Variants in PTPRS observed in about 807,000 individuals in gnomAD.
PTPRS encodes the protein protein tyrosine phosphatase receptor type S, also known as receptor-type tyrosine-protein phosphatase S.
Under a neutral mutation model 215.3 loss-of-function variants are expected in PTPRS, and 63 were observed. The observed-to-expected ratio is 0.29, with a 90% confidence interval of 0.24 to 0.36. The LOEUF is 0.36. Ranked by LOEUF, PTPRS falls within the 10% of genes least tolerant of loss-of-function variation. The pLI is 1.00. For synonymous variants in PTPRS, 1,404 were observed against 1,191.4 expected (o/e 1.18, Z -3.68); for missense variants, 2,258 against 2,825.8 (o/e 0.80, Z 4.56).
chr19:5,214,844 C>G, intron 28 of PTPRS, 108 bp from the exon 29 acceptor site: 1 of 1,147,602 alleles, frequency 8.7e-7, no homozygotes, highest in Non-Finnish European at 1.2e-6. Flanking sequence ...CCAGATTGTC[C>G]CCAAGGTGAC....
chr19:5,266,320 T>C (rs1459555410), intron 4 of PTPRS, among the ~76,000 whole-genome samples: 1 of 152,080 alleles, frequency 6.6e-6, no homozygotes, highest in Non-Finnish European at 1.5e-5. Flanking sequence ...GGTCTCACCA[T>C]GTTGCCCAGA....
rs749891067 is a variant in PTPRS at position 5,218,408 on chromosome 19, A to G, written c.4048+12T>C. ...GTTGGTGGCATCCCTGGTACCAGGG[A>G]TAAGTACATACCTGGAGTCTGGAAG... On this transcript the variant is annotated intron_variant, in intron 25 of 37. Transcript: ENST00000262963. The G allele has an allele frequency of 6.8e-6, 11 of 1,609,636 alleles. No individual in the cohort carries two copies. The highest frequency in any genetic ancestry group is 3.4e-5 in the Admixed American group (2 of 59,350).
rs1480260816 is a variant in PTPRS, at chr19:5,215,516, C to T, written c.4176G>A (p.Lys1392=). 3.1e-6 allele frequency: 5 copies of T among 1,611,926 alleles called. No homozygotes were observed. The highest frequency in any genetic ancestry group is 4.2e-6 in the Non-Finnish European group (5 of 1,178,518). The stretch of plus-strand genomic sequence containing the variant: ...GGCTCACCTCATACTCCTGGGAGAG[C>T]TTGAGGCTGTCGTTGGCCTTGAGCC... ...TERLKANDSL[K]LSQEYESIDP... The change falls in exon 27 of 38, where the codon AAG becomes AAA. Residue 1392 remains lysine, a synonymous_variant. Transcript: ENST00000262963.
intron 7 of PTPRS, among the ~76,000 whole-genome samples, chr19:5,258,789 T>C (rs1340779024): frequency 6.6e-6 from 1 of 152,226 alleles, no homozygotes; most frequent in Non-Finnish European, 1.5e-5. Flanking sequence ...GTGTATCAAG[T>C]ATGTTTGAGA....
At position 5,216,724 on chromosome 19, in the gene PTPRS, A is replaced by C; in HGVS notation, c.4092T>G (p.Phe1364Leu). 1.9e-6 allele frequency: 3 copies of C among 1,570,696 alleles called. No individual in the cohort carries two copies. The highest frequency in any genetic ancestry group is 1.2e-5 in the South Asian group (1 of 85,490). Residue 1364 changes from phenylalanine to leucine, a missense_variant, in exon 26 of 38, where the codon TTT becomes TTG. Phe to Leu is a conservative substitution (Grantham distance 22, BLOSUM62 0). This residue lies in a region of PTPRS where 927 missense variants were observed against 1,125.9 expected (regional missense o/e 0.82). Coordinates refer to ENST00000262963, the MANE Select transcript of PTPRS (RefSeq NM_002850.4). ...RSPLREPGFH[F>L]ESMLSHPPIP... ...AAAACAGACACAAGAACTAACTTTC[A>C]AAGTGAAACCCCGGCTCCCTGAGGG...
In PTPRS at chr19:5,333,454, G is replaced by A. The variant is rs553762200; in HGVS notation, c.-95+7210C>T. Among the ~76,000 whole-genome samples the A allele has an allele frequency of 7.9e-5, 12 of 152,074 alleles. No homozygotes were observed. In the East Asian group the frequency reaches 2.1e-3, roughly 27 times the overall value. On this transcript the variant is annotated intron_variant, in intron 1 of 37. Transcript: ENST00000262963. ...CCCAGGAGTTAAGACACTGCAGTGA[G>A]CCATTATGGCATCACTGCACTCCAG... is the stretch of plus-strand genomic sequence containing the variant.
In PTPRS at chr19:5,276,533, GTTT is replaced by G. The variant is rs4011135; in HGVS notation, c.92-2192_92-2190del. Among the ~76,000 whole-genome samples the G allele has an allele frequency of 8.0e-5, 12 of 150,524 alleles. 1 individual carries two copies. The highest frequency in any genetic ancestry group is 2.4e-4 in the African/African-American group (10 of 40,980). ...CCACTGCGCCTGGCCTGGAGTACGTGTTTTTTTTTTGTTTTTGTTTTTTTTGAG... is the reference window on the plus strand; with the variant it reads ...CCACTGCGCCTGGCCTGGAGTACGTGTTTTTTTGTTTTTGTTTTTTTTGAG... On this transcript the variant is annotated intron_variant, in intron 2 of 37. Transcript: ENST00000262963.
At chr19:5,306,697 G>A (rs2049506005) in intron 1 of PTPRS, among the ~76,000 whole-genome samples, 1 of 152,094 alleles carries the variant, frequency 6.6e-6, no homozygotes, top group Non-Finnish European at 1.5e-5. Flanking sequence ...GTCCCCTTGG[G>A]GAAGCATTTT....
chr19:5,312,598 C>T (rs1184520142), intron 1 of PTPRS, among the ~76,000 whole-genome samples: 1 of 152,098 alleles, frequency 6.6e-6, no homozygotes, highest in African/African-American at 2.4e-5. Flanking sequence ...GAGATGGAGG[C>T]GGCAGTGAGC....
intron 1 of PTPRS, among the ~76,000 whole-genome samples, chr19:5,324,918 G>A (rs2050130395): frequency 6.6e-6 from 1 of 152,032 alleles, no homozygotes; most frequent in South Asian, 2.1e-4. Context: ...ACATCCCCAG[G>A]AGAGCCACAT....
Position 5,257,445 on chromosome 19 carries a change from G to A in PTPRS, c.706+572C>T, listed in dbSNP as rs778351304. 1 of 458,774 alleles carries A rather than the reference G, an allele frequency of 2.2e-6. No individual in the cohort carries two copies. 28.4% of individuals were successfully genotyped at this position (458,774 alleles called of 1,614,324 possible). ...ACTGCCCTTCTCGGAGAGTCATTAG[G>A]AAGAGGCAGAAGGCGCCGGGCTCCG... On this transcript the variant is annotated intron_variant, in intron 8 of 37. Transcript: ENST00000262963. The surrounding 1 kb of genome is among the most constrained non-coding windows in gnomAD (Gnocchi z 4.4).
intron 17 of PTPRS, among the ~76,000 whole-genome samples, chr19:5,224,656 G>A (rs1043370987): frequency 2.0e-5 from 3 of 152,198 alleles, no homozygotes; most frequent in African/African-American, 4.8e-5. Context: ...GGAGAGCAGC[G>A]TATGCAGTGG....
intron 28 of PTPRS, among the ~76,000 whole-genome samples, 192 bp downstream of exon 28, chr19:5,215,097 G>T (rs2041298764): frequency 6.6e-6 from 1 of 152,226 alleles, no homozygotes; most frequent in African/African-American, 2.4e-5. Flanking sequence ...GATGCAGAAG[G>T]ACAGATGAAG....
At chr19:5,239,402 CAG>C (rs1287950086) in intron 12 of PTPRS, among the ~76,000 whole-genome samples, 1 of 146,344 alleles carries the variant, frequency 6.8e-6, no homozygotes, top group Non-Finnish European at 1.5e-5. Context: ...GACACAGTGA[CAG>C]AGATAGAGAC....
chr19:5,219,542 G>GAACCTACGTTT, intron 22 of PTPRS, 75 bp from the exon 23 acceptor site: 1 of 1,472,116 alleles, frequency 6.8e-7, no homozygotes, highest in Non-Finnish European at 9.0e-7. Context: ...TCTCAAACAT[G>GAACCTACGTTT]AACCTACGTT....
chr19:5,333,970 A>G (rs1400353285), intron 1 of PTPRS, among the ~76,000 whole-genome samples: 1 of 125,812 alleles, frequency 7.9e-6, no homozygotes, highest in Non-Finnish European at 1.7e-5. Context: ...ATCCCCCCCA[A>G]ACTCCCCCCT....
chr19:5,237,549 A>C lies in PTPRS; in HGVS notation c.1849+1370T>G, dbSNP rs547425861. 4.5e-4 allele frequency among the ~76,000 whole-genome samples: 68 copies of C among 152,288 alleles called. No individual in the cohort carries two copies. Among genetic ancestry groups the C allele is most frequent in the African/African-American group, 1.5e-3 (63 of 41,568 alleles). On this transcript the variant is annotated intron_variant, in intron 13 of 37. Coordinates refer to ENST00000262963, the MANE Select transcript of PTPRS (RefSeq NM_002850.4). The surrounding 1 kb of genome is among the most constrained non-coding windows in gnomAD (Gnocchi z 4.2). ...GATGTGCGTGCGTGGGCAGCGTGGC[A>C]TGGTGGTGGCACGTGGTTTGGGAGA...
At position 5,244,152 on chromosome 19, in the gene PTPRS, G is replaced by T; in HGVS notation, c.1319C>A (p.Ala440Glu). The T allele has an allele frequency of 1.2e-6, 2 of 1,602,038 alleles. No individual in the cohort carries two copies. The highest frequency in any genetic ancestry group is 1.1e-5 in the South Asian group (1 of 89,950). ...PRNVQARMLSATTMIVQWEEP... is the reference protein window; with the variant it reads ...PRNVQARMLSETTMIVQWEEP... ...CTCCCACTGCACAATCATGGTGGTC[G>T]CGCTGAGCATCCGGGCTTGCACGTT... The change falls in exon 11 of 38, where the codon GCG becomes GAG. Residue 440 changes from alanine (A) to glutamate (E), a missense_variant. Transcript: ENST00000262963. The surrounding 1 kb of genome is among the most constrained non-coding windows in gnomAD (Gnocchi z 7.2).
intron 4 of PTPRS, among the ~76,000 whole-genome samples, chr19:5,266,505 G>A (rs1386254783): frequency 6.6e-6 from 1 of 151,758 alleles, no homozygotes; most frequent in Admixed American, 6.6e-5. Context: ...AGGCTGGAAG[G>A]CAGTGGCATG....
Sources: gnomAD v4.1 joint callset for allele counts (sites outside exome capture counted in the v4.1 genomes callset) on GRCh38, gnomAD v4.1.1 for gene constraint, gnomAD v4.1.1 regional missense constraint, Gnocchi (gnomAD v3.1) non-coding constraint, MANE v1.5 for transcripts, NCBI Gene and HGNC (gene_info 2026-07-23, HGNC 2026-07-21) for gene names.